Variants in CFAP299 observed in about 807,000 individuals in gnomAD.
CFAP299 encodes the protein cilia and flagella associated protein 299.
A neutral mutation model predicts 27.0 loss-of-function variants in CFAP299; 21 were observed. The observed-to-expected ratio is 0.78, with a 90% CI of 0.55 to 1.12. CFAP299 has a LOEUF of 1.12. CFAP299 is among the 50% of genes most tolerant of loss of function. The pLI, the probability that CFAP299 is intolerant of heterozygous loss-of-function variation, is 0.00. For synonymous variants in CFAP299, 104 were observed against 98.1 expected (o/e 1.06, Z -0.36); for missense variants, 310 against 276.6 (o/e 1.12, Z -0.86).
At chr4:80,789,025 A>T (rs925827217) in intron 3 of CFAP299, among the ~76,000 whole-genome samples, 2 of 152,140 alleles carry the variant, frequency 1.3e-5, no homozygotes, top group Non-Finnish European at 2.9e-5. Context: ...AGGGTTGCTG[A>T]AATACAGTTC....
chr4:80,601,426 T>C (rs1025637974), intron 3 of CFAP299, among the ~76,000 whole-genome samples: 4 of 152,126 alleles, frequency 2.6e-5, no homozygotes, highest in African/African-American at 9.7e-5. Context: ...GCTGTTAGAG[T>C]TTGAGGGCAT....
At chr4:80,855,496 G>A (rs991354916) in intron 3 of CFAP299, among the ~76,000 whole-genome samples, 24 of 152,096 alleles carry the variant, frequency 1.6e-4, no homozygotes, top group South Asian at 6.2e-4. Context: ...ATGCTGGTGC[G>A]CTGCACCGAC....
chr4:80,780,315 C>T (rs775210469), intron 3 of CFAP299, among the ~76,000 whole-genome samples: 1 of 152,092 alleles, frequency 6.6e-6, no homozygotes, highest in Non-Finnish European at 1.5e-5. Context: ...TTTATTGCTG[C>T]TGATGATCTC....
At chr4:80,632,332 C>A (rs1163117564) in intron 3 of CFAP299, among the ~76,000 whole-genome samples, 2 of 152,056 alleles carry the variant, frequency 1.3e-5, no homozygotes, top group African/African-American at 4.8e-5. Flanking sequence ...TTCTTCATAT[C>A]ACTTAATTTG....
At chr4:80,911,268 T>A (rs1735460703) in intron 4 of CFAP299, among the ~76,000 whole-genome samples, 1 of 151,454 alleles carries the variant, frequency 6.6e-6, no homozygotes, top group African/African-American at 2.4e-5. Context: ...ATTGTAATCA[T>A]TATTTTTTCT....
At chr4:80,341,103 A>T (rs1432611359) in intron 1 of CFAP299, among the ~76,000 whole-genome samples, 2 of 152,032 alleles carry the variant, frequency 1.3e-5, no homozygotes. Flanking sequence ...TTAGATTCCA[A>T]TCCATTCCTT....
intron 3 of CFAP299, among the ~76,000 whole-genome samples, chr4:80,625,368 A>C (rs1459770385): frequency 6.6e-6 from 1 of 152,030 alleles, no homozygotes; most frequent in African/African-American, 2.4e-5. Context: ...CCACAAAGCA[A>C]AACCTATCAT....
At chr4:80,871,427 A>C (rs540723004) in intron 4 of CFAP299, 23 of 985,432 alleles carry the variant, frequency 2.3e-5, no homozygotes, top group South Asian at 1.9e-4. Context: ...AAATTTCACA[A>C]AACTGTGGAT....
At chr4:80,764,944 TG>T (rs935518580) in intron 3 of CFAP299, among the ~76,000 whole-genome samples, 15 of 151,802 alleles carry the variant, frequency 9.9e-5, no homozygotes, top group African/African-American at 3.6e-4. Flanking sequence ...GTGGAGGGGT[TG>T]GGGGGCAAAG....
rs1305596657 is a variant in CFAP299, at chr4:80,650,421, C to G, written c.333+67238C>G. On this transcript the variant is annotated intron_variant, in intron 3 of 5. Coordinates refer to ENST00000358105, the MANE Select transcript of CFAP299 (RefSeq NM_152770.3). The stretch of plus-strand genomic sequence containing the variant: ...CTTCAGTTCTTTATTTAGCATATCT[C>G]TTTAGCATCTTTTAATATTCAAAAT... Among the ~76,000 whole-genome samples, 4 of 152,036 alleles carry G rather than the reference C, an allele frequency of 2.6e-5. No individual in the cohort carries two copies. In the East Asian group the frequency reaches 7.7e-4, roughly 29 times the overall value.
chr4:80,536,454 A>G (rs1733744186), intron 2 of CFAP299, among the ~76,000 whole-genome samples: 1 of 152,158 alleles, frequency 6.6e-6, no homozygotes, highest in Non-Finnish European at 1.5e-5. Flanking sequence ...ACATTACCTG[A>G]CTTCAAAATC....
At chr4:80,607,099 C>CTTCT (rs1737717273) in intron 3 of CFAP299, among the ~76,000 whole-genome samples, 1 of 152,072 alleles carries the variant, frequency 6.6e-6, no homozygotes, top group Non-Finnish European at 1.5e-5. Context: ...GGACAGGGAC[C>CTTCT]TTCTAGTCAA....
At chr4:80,387,892 A>C in intron 2 of CFAP299, 1 of 1,008,620 alleles carries the variant, frequency 9.9e-7, no homozygotes, top group South Asian at 1.3e-5. Context: ...AAAGATGGCC[A>C]CGGTGCCCCC....
chr4:80,702,402 C>T (rs1262274949), intron 3 of CFAP299, among the ~76,000 whole-genome samples: 1 of 151,824 alleles, frequency 6.6e-6, no homozygotes, highest in East Asian at 1.9e-4. Context: ...AATTATCTCT[C>T]TGCTTTTACA....
intron 3 of CFAP299, among the ~76,000 whole-genome samples, chr4:80,866,059 T>TTTTATATATATATATATATATATA (rs886156357): frequency 8.6e-5 from 5 of 58,374 alleles, no homozygotes; most frequent in African/African-American, 1.5e-4. Flanking sequence ...ACTTAAAGTA[T>TTTTATATATATATATATATATATA]TATATATATA....
intron 4 of CFAP299, among the ~76,000 whole-genome samples, chr4:80,943,558 C>T (rs182365142): frequency 2.2e-4 from 34 of 151,956 alleles, no homozygotes; most frequent in Middle Eastern, 3.4e-3. Flanking sequence ...ATTTCTGTGA[C>T]CATCATTTTA....
intron 2 of CFAP299, among the ~76,000 whole-genome samples, chr4:80,402,459 C>T (rs963223702): frequency 2.6e-5 from 4 of 152,092 alleles, no homozygotes; most frequent in Admixed American, 2.0e-4. Flanking sequence ...CAGGGATTTC[C>T]GCTTTTGCCT....
intron 3 of CFAP299, among the ~76,000 whole-genome samples, chr4:80,813,197 AAC>A (rs1560425529): frequency 6.6e-6 from 1 of 152,056 alleles, no homozygotes; most frequent in African/African-American, 2.4e-5. Flanking sequence ...ACTTAATGAA[AAC>A]ACACATATTT....
chr4:80,730,248 C>CTGTGTGTG (rs34594345), intron 3 of CFAP299, among the ~76,000 whole-genome samples: 10 of 130,800 alleles, frequency 7.6e-5, no homozygotes, highest in South Asian at 2.5e-4. Flanking sequence ...CTCTCTCTCT[C>CTGTGTGTG]TGTGTGTGTG....
Sources: allele counts gnomAD v4.1 joint callset (sites outside exome capture counted in the v4.1 genomes callset), GRCh38; gene constraint gnomAD v4.1.1; transcripts MANE v1.5; gene names NCBI Gene and HGNC (gene_info 2026-07-23, HGNC 2026-07-21).